The following CELF2 variants were observed in gnomAD, a reference collection of about 807,000 sequenced individuals.
The protein encoded by CELF2 is CUG triplet repeat RNA-binding protein 2.
Under a neutral mutation model 62.6 loss-of-function variants are expected in CELF2, and 8 were observed. The observed-to-expected ratio is 0.13, with a 90% CI of 0.07 to 0.23. The LOEUF is 0.23. Ranked by LOEUF, CELF2 falls within the 10% of genes least tolerant of loss-of-function variation. The pLI is 1.00. For synonymous variants in CELF2, 258 were observed against 250.0 expected, an observed-to-expected ratio of 1.03 and a Z score of -0.30; for missense variants, 333 against 671.0, an observed-to-expected ratio of 0.50 and a Z score of 5.56.
the CELF2 span, among the ~76,000 whole-genome samples, chr10:10,669,802 T>A: frequency 6.6e-6 from 1 of 152,258 alleles, no homozygotes; most frequent in Non-Finnish European, 1.5e-5. Context: ...CTGGAGAATT[T>A]TAATTTCTTA....
chr10:11,166,935 C>T (rs951559460), intron 2 of CELF2, among the ~76,000 whole-genome samples: 1 of 152,184 alleles, frequency 6.6e-6, no homozygotes, highest in Admixed American at 6.5e-5. Context: ...CTGAAGAGCC[C>T]CTGGCCAGTA....
At chr10:10,765,183 T>C in the CELF2 span, among the ~76,000 whole-genome samples, 1 of 152,178 alleles carries the variant, frequency 6.6e-6, no homozygotes, top group Non-Finnish European at 1.5e-5. Flanking sequence ...AGCTCCCATT[T>C]CCCACTGGTC....
At chr10:10,698,088 G>A in the CELF2 span, among the ~76,000 whole-genome samples, 1 of 152,328 alleles carries the variant, frequency 6.6e-6, no homozygotes, top group Non-Finnish European at 1.5e-5. Context: ...CAATTGGGGG[G>A]TGGGGCACAC....
In CELF2 at chr10:10,938,694, A is replaced by T. The variant is rs1351845706; in HGVS notation, c.89+18695A>T. Among the ~76,000 whole-genome samples the T allele has an allele frequency of 6.6e-6, 1 of 152,096 alleles. No homozygotes were observed. The highest frequency in any genetic ancestry group is 1.5e-5 in the Non-Finnish European group (1 of 68,006). On this transcript the variant is annotated intron_variant, in intron 2 of 13. Transcript: ENST00000636488. This position sits in a 1 kb window ranked among gnomAD's most constrained non-coding sequence, Gnocchi z 4.2. ...CCCCAAAGAAGATCCTGAGACAAGA[A>T]TTTGAGTCTAAGGACATGAGGGAGG...
chr10:10,886,986 G>A (rs2061793084), intron 1 of CELF2, among the ~76,000 whole-genome samples: 1 of 152,190 alleles, frequency 6.6e-6, no homozygotes, highest in Non-Finnish European at 1.5e-5. Flanking sequence ...ACAGATTTTT[G>A]CCTGGGTGTC....
chr10:11,205,216 G>C (rs1157032430), intron 2 of CELF2, among the ~76,000 whole-genome samples: 2 of 152,154 alleles, frequency 1.3e-5, no homozygotes, highest in Non-Finnish European at 1.5e-5. Context: ...TAAAGGGCTC[G>C]TGGTCATCAC....
intron 2 of CELF2, among the ~76,000 whole-genome samples, chr10:10,956,606 G>T (rs2048923273): frequency 6.6e-6 from 1 of 152,092 alleles, no homozygotes; most frequent in South Asian, 2.1e-4. Flanking sequence ...GTGATTCAGG[G>T]AACTGCCATA....
chr10:10,850,093 G>A (rs2059289912), intron 1 of CELF2, among the ~76,000 whole-genome samples: 1 of 152,166 alleles, frequency 6.6e-6, no homozygotes, highest in African/African-American at 2.4e-5. Context: ...AGATTGCAGT[G>A]AGCTGAGATC....
chr10:10,665,037 A>G, the CELF2 span, among the ~76,000 whole-genome samples: 1 of 152,240 alleles, frequency 6.6e-6, no homozygotes, highest in Non-Finnish European at 1.5e-5. Context: ...TAAAGCTTTT[A>G]ATCATGTAGT....
chr10:10,583,689 A>T, the CELF2 span, among the ~76,000 whole-genome samples: 1 of 152,158 alleles, frequency 6.6e-6, no homozygotes, highest in Admixed American at 6.6e-5. Flanking sequence ...TCTGTAGAAT[A>T]TACTTACAGA....
At chr10:10,561,888 C>T in the CELF2 span, among the ~76,000 whole-genome samples, 1 of 152,134 alleles carries the variant, frequency 6.6e-6, no homozygotes, top group Non-Finnish European at 1.5e-5. Context: ...CTTTCTTTTT[C>T]CCCCAGGGCC....
intron 1 of CELF2, among the ~76,000 whole-genome samples, chr10:10,889,006 A>G (rs1350118778): frequency 6.6e-6 from 1 of 152,214 alleles, no homozygotes; most frequent in Non-Finnish European, 1.5e-5. Context: ...ATTTGTGCCC[A>G]GAGAAGGGAC....
chr10:11,156,108 ATAATG>A lies in CELF2; in HGVS notation c.75-9372_75-9368del, dbSNP rs1432138620. On this transcript the variant is annotated intron_variant, in intron 1 of 12. Transcript: ENST00000633077. This position sits in a 1 kb window ranked among gnomAD's most constrained non-coding sequence, Gnocchi z 4.3. ...CCCACCAACCAGTTTTATATTAATAATAATGTAATGAGAACAAGAGGATAGCCAGA... is the reference window on the plus strand; with the variant it reads ...CCCACCAACCAGTTTTATATTAATAATAATGAGAACAAGAGGATAGCCAGA... Among the ~76,000 whole-genome samples the A allele has an allele frequency of 1.3e-5, 2 of 152,188 alleles. No homozygotes were observed. Among genetic ancestry groups the A allele is most frequent in the African/African-American group, 4.8e-5 (2 of 41,432 alleles).
the CELF2 span, among the ~76,000 whole-genome samples, chr10:10,719,822 C>CA: frequency 6.6e-6 from 1 of 152,172 alleles, no homozygotes; most frequent in South Asian, 2.1e-4. Flanking sequence ...GCCTCCAGTA[C>CA]ATAGTAAGCA....
chr10:11,113,688 A>G (rs1452229939), intron 1 of CELF2, among the ~76,000 whole-genome samples: 1 of 152,164 alleles, frequency 6.6e-6, no homozygotes, highest in Non-Finnish European at 1.5e-5. Context: ...TAGGTTCTTG[A>G]GAATCCCTTA....
At chr10:10,801,190 A>G (rs1311917413) in intron 1 of CELF2, among the ~76,000 whole-genome samples, 1 of 152,198 alleles carries the variant, frequency 6.6e-6, no homozygotes, top group African/African-American at 2.4e-5. Context: ...AAGACCTGGG[A>G]AAGAGAAACA....
At chr10:10,950,958 T>C (rs1161218954) in intron 2 of CELF2, among the ~76,000 whole-genome samples, 1 of 152,188 alleles carries the variant, frequency 6.6e-6, no homozygotes, top group Non-Finnish European at 1.5e-5. Context: ...TTGTGGTGTG[T>C]GTATGTTGTA....
the CELF2 span, among the ~76,000 whole-genome samples, chr10:10,712,385 C>A: frequency 5.9e-5 from 9 of 152,144 alleles, no homozygotes; most frequent in South Asian, 2.1e-4. Flanking sequence ...ATTCTGTTGA[C>A]TTCCATGATT....
chr10:10,693,636 G>A, the CELF2 span, among the ~76,000 whole-genome samples: 3 of 151,318 alleles, frequency 2.0e-5, no homozygotes, highest in African/African-American at 7.3e-5. Context: ...GAATCCGTCT[G>A]GTCCTGGACT....
Sources: allele counts gnomAD v4.1 joint callset (sites outside exome capture counted in the v4.1 genomes callset), GRCh38; gene constraint gnomAD v4.1.1; non-coding constraint Gnocchi (gnomAD v3.1); transcripts MANE v1.5; gene names NCBI Gene and HGNC (gene_info 2026-07-23, HGNC 2026-07-21).